HOPX: variants seen among roughly 807,000 people sequenced by gnomAD.
HOPX encodes the protein homeodomain-only protein.
HOPX carries 5 observed loss-of-function variants against 11.8 expected under a neutral mutation model. The ratio of observed to expected loss-of-function variants is 0.43; its 90% CI spans 0.22 to 0.89. HOPX has a LOEUF of 0.89. Ranked by LOEUF, HOPX falls within the 40% of genes least tolerant of loss-of-function variation. The pLI, the probability that HOPX is intolerant of heterozygous loss-of-function variation, is 0.28. For synonymous variants in HOPX, 49 were observed against 49.7 expected, an observed-to-expected ratio of 0.99 and a Z score of 0.06; for missense variants, 119 against 120.0, an observed-to-expected ratio of 0.99 and a Z score of 0.04.
intron 3 of HOPX, among the ~76,000 whole-genome samples, chr4:56,652,290 C>G (rs1379091186): frequency 1.3e-5 from 2 of 152,162 alleles, no homozygotes; most frequent in African/African-American, 4.8e-5. Context: ...CCCCAAGTAT[C>G]GGCCCTGTGA....
intron 1 of HOPX, among the ~76,000 whole-genome samples, chr4:56,676,928 C>T (rs1237691119): frequency 2.0e-5 from 3 of 151,248 alleles, no homozygotes; most frequent in East Asian, 1.9e-4. Context: ...CAAAAGTGCC[C>T]GAATGGGCCC....
intron 1 of HOPX, chr4:56,659,057 T>C (rs1010954648): frequency 2.0e-5 from 3 of 152,234 alleles, no homozygotes; most frequent in African/African-American, 7.2e-5. Context: ...CACTATCAAC[T>C]GGAAATCTTT....
At chr4:56,662,968 C>G (rs935028782) in intron 1 of HOPX, 2 of 152,168 alleles carry the variant, frequency 1.3e-5, no homozygotes, top group African/African-American at 4.8e-5. Flanking sequence ...TGCTTCATTA[C>G]TTGGCTACTG....
At chr4:56,660,354 A>G (rs1001158223) in intron 1 of HOPX, among the ~76,000 whole-genome samples, 1 of 152,230 alleles carries the variant, frequency 6.6e-6, no homozygotes, top group African/African-American at 2.4e-5. Context: ...AAGATCCCAA[A>G]TCTAAATAGG....
At chr4:56,671,294 C>T (rs1197003173) in intron 1 of HOPX, among the ~76,000 whole-genome samples, 1 of 151,962 alleles carries the variant, frequency 6.6e-6, no homozygotes, top group Non-Finnish European at 1.5e-5. Flanking sequence ...TTCAGGCTGC[C>T]CAATCACATG....
chr4:56,665,881 T>C lies in HOPX; in HGVS notation c.-83-7982A>G, dbSNP rs73818219. 2.4e-3 allele frequency among the ~76,000 whole-genome samples: 363 copies of C among 152,288 alleles called. 2 individuals are homozygous for C. The highest frequency in any genetic ancestry group is 7.9e-3 in the African/African-American group (327 of 41,576). On this transcript the variant is annotated intron_variant, in intron 1 of 3. Coordinates refer to ENST00000420433, the MANE Select transcript of HOPX (RefSeq NM_032495.6). ...CCAGAAAATCTAACTTCTGCATCCA[T>C]GCTCTTAATCACTACACCATCTTTC...
At chr4:56,662,348 T>A (rs1166534819) in intron 1 of HOPX, 1 of 152,216 alleles carries the variant, frequency 6.6e-6, no homozygotes, top group Non-Finnish European at 1.5e-5. Flanking sequence ...AGTTAAATTG[T>A]CTACAGCATC....
At chr4:56,649,133 T>C (rs1450127223) in intron 3 of HOPX, 1 of 195,916 alleles carries the variant, frequency 5.1e-6, no homozygotes, top group African/African-American at 2.3e-5. Flanking sequence ...CCCAATTTAG[T>C]ATTTTGTTAC....
chr4:56,654,345 A>G (rs1717476215), intron 3 of HOPX, among the ~76,000 whole-genome samples: 3 of 152,240 alleles, frequency 2.0e-5, no homozygotes. Flanking sequence ...GCAACTCGCC[A>G]GGCACAATCA....
chr4:56,674,351 C>A (rs1718893353), intron 1 of HOPX, among the ~76,000 whole-genome samples: 1 of 151,710 alleles, frequency 6.6e-6, no homozygotes, highest in Non-Finnish European at 1.5e-5. Flanking sequence ...ATGGAGATAT[C>A]AGGGCTAAGG....
rs1002414147 is a variant in HOPX at position 56,659,098 on chromosome 4, T to G, written c.-83-1199A>C. 3.3e-5 allele frequency: 5 copies of G among 152,206 alleles called. No individual in the cohort carries two copies. The South Asian group carries it at 6.2e-4, about 19-fold the overall frequency. The allele number at this position is 152,206 out of a possible 1,614,324, so 9.4% of individuals were successfully genotyped here. A position where few individuals can be genotyped will look rare whatever the true frequency, so the allele number is the denominator to read the frequency against. On this transcript the variant is annotated intron_variant, in intron 1 of 3. Transcript: ENST00000420433. ...CCTCTGTAGTAACCAAAAAATTTCT[T>G]TGGGCTCAAATTTGTCATCTTATCC...
chr4:56,662,150 T>C (rs572100621), intron 1 of HOPX, among the ~76,000 whole-genome samples: 2 of 152,278 alleles, frequency 1.3e-5, no homozygotes, highest in South Asian at 4.2e-4. Context: ...AAAAGAAAGA[T>C]GGACAGAAAG....
intron 1 of HOPX, among the ~76,000 whole-genome samples, chr4:56,669,586 G>A (rs1397871793): frequency 1.3e-5 from 2 of 151,864 alleles, no homozygotes; most frequent in African/African-American, 4.8e-5. Context: ...TTGAACCCAG[G>A]AGGCAGAGAT....
At chr4:56,672,333 G>A (rs939379301) in intron 1 of HOPX, among the ~76,000 whole-genome samples, 3 of 151,794 alleles carry the variant, frequency 2.0e-5, no homozygotes, top group East Asian at 1.9e-4. Flanking sequence ...GAAGCCAGGA[G>A]TTCCAGACCA....
At chr4:56,656,055 G>A in intron 2 of HOPX, 43 bp from the exon 3 acceptor site, 2 of 1,495,912 alleles carry the variant, frequency 1.3e-6, no homozygotes, top group East Asian at 5.6e-5. Context: ...GAGGCGTGGA[G>A]CGGGCGGGAC....
At position 56,657,805 on chromosome 4, in the gene HOPX, G is replaced by C. The variant is rs1352574448; in HGVS notation, c.12C>G (p.Phe4Leu). MLI[F>L]LGCYRRRLEE... ...CCAGTCTTCTTCTGTAACAGCCCAG[G>C]AAAATGAGCATAGGAAGACTAACTT... The change falls in exon 2 of 4, where the codon TTC (phenylalanine) becomes TTG (leucine). Residue 4 changes from phenylalanine (F) to leucine (L), a missense_variant. Coordinates refer to ENST00000420433, the MANE Select transcript of HOPX (RefSeq NM_032495.6). 7.1e-7 allele frequency: 1 copy of C among 1,416,922 alleles called. No individual in the cohort carries two copies. The highest frequency in any genetic ancestry group is 1.2e-5 in the South Asian group (1 of 81,292). 87.8% of individuals were successfully genotyped at this position (1,416,922 alleles called of 1,614,324 possible).
At chr4:56,679,691 T>A (rs889024113) in intron 1 of HOPX, 7 of 152,228 alleles carry the variant, frequency 4.6e-5, no homozygotes, top group African/African-American at 1.7e-4. Flanking sequence ...TTGGCCAGGC[T>A]GGTCTCAAAC....
At chr4:56,657,319 G>C (rs138219795) in intron 2 of HOPX, among the ~76,000 whole-genome samples, 1 of 152,140 alleles carries the variant, frequency 6.6e-6, no homozygotes, top group Non-Finnish European at 1.5e-5. Context: ...TGGGAATCAC[G>C]TTGGTTTGTT....
intron 3 of HOPX, chr4:56,651,048 T>C (rs1041245370): frequency 2.6e-6 from 1 of 379,914 alleles, no homozygotes; most frequent in East Asian, 4.6e-5. Context: ...AATGGCAGCA[T>C]TGTAAAGACT....
Sources: gnomAD v4.1 joint callset for allele counts (sites outside exome capture counted in the v4.1 genomes callset) on GRCh38, gnomAD v4.1.1 for gene constraint, MANE v1.5 for transcripts, NCBI Gene and HGNC (gene_info 2026-07-23, HGNC 2026-07-21) for gene names.